Variants in GALNT13 observed in about 807,000 individuals in gnomAD.
GALNT13 encodes UDP-GalNAc:polypeptide N-acetylgalactosaminyltransferase 13.
A neutral mutation model predicts 64.2 loss-of-function variants in GALNT13; 28 were observed. That is an observed-to-expected ratio of 0.44 (90% CI 0.32 to 0.60). The LOEUF (loss-of-function observed/expected upper bound fraction) is 0.60, where lower values mean the gene tolerates loss of function less well. Among genes scored for constraint, GALNT13 ranks in the 20% least tolerant of loss-of-function variants. The pLI, the probability that GALNT13 is intolerant of heterozygous loss-of-function variation, is 0.05. For missense variants in GALNT13, 577 were observed against 669.8 expected (o/e 0.86, Z 1.53); for synonymous variants, 214 against 224.6 (o/e 0.95, Z 0.42).
intron 3 of GALNT13, among the ~76,000 whole-genome samples, chr2:154,106,651 G>A (rs886287197): frequency 3.3e-5 from 5 of 151,812 alleles, no homozygotes. Context: ...TAGAAGTCAG[G>A]TAGTGTGAGT....
chr2:153,204,214 T>G, the GALNT13 span, among the ~76,000 whole-genome samples: 1 of 152,238 alleles, frequency 6.6e-6, no homozygotes, highest in East Asian at 1.9e-4. Context: ...TGCCTCAAGT[T>G]GCTCTTGGCT....
Position 154,407,331 on chromosome 2 carries a change from C to G in GALNT13, c.1297-1653C>G, listed in dbSNP as rs1251401551. On this transcript the variant is annotated intron_variant, in intron 10 of 12. Coordinates refer to ENST00000392825, the MANE Select transcript of GALNT13 (RefSeq NM_052917.4). ...GAACTAAATAGCAATAATGTATAAT[C>G]TTATTTTCAAGAAATCTTCCTTTTA... is the stretch of plus-strand genomic sequence containing the variant. 2.0e-5 allele frequency among the ~76,000 whole-genome samples: 3 copies of G among 152,098 alleles called. No homozygotes were observed. The East Asian group carries it at 5.8e-4, about 29-fold the overall frequency.
At chr2:153,399,779 C>A in the GALNT13 span, among the ~76,000 whole-genome samples, 1 of 152,106 alleles carries the variant, frequency 6.6e-6, no homozygotes, top group Non-Finnish European at 1.5e-5. Context: ...GATTTTGTAT[C>A]CTGGGACTTT....
the GALNT13 span, among the ~76,000 whole-genome samples, chr2:153,485,998 CATG>C: frequency 2.6e-5 from 4 of 152,278 alleles, no homozygotes; most frequent in South Asian, 8.3e-4. Flanking sequence ...AGTGCAATGG[CATG>C]ATCTCAGCTT....
At chr2:153,662,193 G>C in the GALNT13 span, among the ~76,000 whole-genome samples, 1 of 152,120 alleles carries the variant, frequency 6.6e-6, no homozygotes, top group East Asian at 1.9e-4. Context: ...CCAAAAGATT[G>C]GTTGATGCAA....
At chr2:153,478,083 G>A in the GALNT13 span, 56 of 649,226 alleles carry the variant, frequency 8.6e-5, no homozygotes, top group East Asian at 1.4e-3. Context: ...GAGGGCGAGG[G>A]AGAAACCGGT....
intron 4 of GALNT13, among the ~76,000 whole-genome samples, chr2:154,156,834 G>T (rs1446310179): frequency 6.6e-6 from 1 of 152,116 alleles, no homozygotes; most frequent in Admixed American, 6.6e-5. Flanking sequence ...GAACACAAAG[G>T]TTCCAAATGG....
intron 9 of GALNT13, among the ~76,000 whole-genome samples, chr2:154,371,672 C>T (rs1697693821): frequency 6.6e-6 from 1 of 151,656 alleles, no homozygotes; most frequent in Non-Finnish European, 1.5e-5. Context: ...TAGGCATTTT[C>T]GTTTTAACCA....
chr2:153,248,498 G>T, the GALNT13 span, among the ~76,000 whole-genome samples: 1 of 93,572 alleles, frequency 1.1e-5, no homozygotes, highest in Non-Finnish European at 2.2e-5. Flanking sequence ...AAAGGCGTGA[G>T]ATAAAATTCA....
intron 3 of GALNT13, among the ~76,000 whole-genome samples, chr2:154,030,867 G>T (rs567338510): frequency 2.6e-5 from 4 of 152,036 alleles, no homozygotes; most frequent in African/African-American, 9.7e-5. Flanking sequence ...TCAAGCCTGT[G>T]GAACTGTGTG....
intron 2 of GALNT13, among the ~76,000 whole-genome samples, chr2:153,924,112 G>A (rs772854701): frequency 6.6e-6 from 1 of 152,064 alleles, no homozygotes; most frequent in Non-Finnish European, 1.5e-5. Context: ...TGTTACATAG[G>A]TAAATGTGTT....
the GALNT13 span, among the ~76,000 whole-genome samples, chr2:153,167,795 A>G: frequency 6.6e-6 from 1 of 152,214 alleles, no homozygotes. Flanking sequence ...TAATTTTTGC[A>G]TCCTCTTCCT....
chr2:153,954,284 C>G (rs1309182754), intron 3 of GALNT13, among the ~76,000 whole-genome samples: 1 of 151,776 alleles, frequency 6.6e-6, no homozygotes, highest in African/African-American at 2.4e-5. Flanking sequence ...TTGGAATTGC[C>G]CTTAATAAGT....
At chr2:154,140,757 T>A (rs1215893546) in intron 4 of GALNT13, among the ~76,000 whole-genome samples, 3 of 152,144 alleles carry the variant, frequency 2.0e-5, no homozygotes, top group Non-Finnish European at 4.4e-5. Flanking sequence ...ATGTGAGATG[T>A]TTTTTGTTGT....
At chr2:153,936,411 G>T (rs757598723) in intron 2 of GALNT13, among the ~76,000 whole-genome samples, 1 of 152,088 alleles carries the variant, frequency 6.6e-6, no homozygotes, top group African/African-American at 2.4e-5. Context: ...GCAACAAATG[G>T]CACAACATTG....
intron 2 of GALNT13, among the ~76,000 whole-genome samples, chr2:153,909,770 G>T (rs937998742): frequency 6.6e-6 from 1 of 152,106 alleles, no homozygotes; most frequent in African/African-American, 2.4e-5. Context: ...GCATTCCAGG[G>T]ATAAAGCCTA....
At chr2:153,196,048 G>A in the GALNT13 span, among the ~76,000 whole-genome samples, 146 of 152,278 alleles carry the variant, frequency 9.6e-4, 1 homozygote, top group African/African-American at 3.2e-3. Context: ...GGCTTTTATA[G>A]ACCTAAGAAG....
the GALNT13 span, among the ~76,000 whole-genome samples, chr2:153,665,431 A>G: frequency 6.6e-6 from 1 of 152,338 alleles, no homozygotes; most frequent in East Asian, 1.9e-4. Context: ...TATAATATTT[A>G]TTCCTTATTG....
At chr2:154,250,077 C>T (rs543243776) in intron 7 of GALNT13, among the ~76,000 whole-genome samples, 15 of 152,128 alleles carry the variant, frequency 9.9e-5, no homozygotes, top group African/African-American at 2.6e-4. Context: ...TGAGAAATTA[C>T]CTAGTCTTCT....
Sources: allele counts gnomAD v4.1 joint callset (sites outside exome capture counted in the v4.1 genomes callset), GRCh38; gene constraint gnomAD v4.1.1; transcripts MANE v1.5; gene names NCBI Gene and HGNC (gene_info 2026-07-23, HGNC 2026-07-21).